Variants in GNB4 observed in about 807,000 individuals in gnomAD.
GNB4 encodes the protein guanine nucleotide-binding protein subunit beta-4.
A neutral mutation model predicts 45.2 loss-of-function variants in GNB4; 28 were observed. The ratio of observed to expected loss-of-function variants is 0.62; its 90% CI spans 0.46 to 0.85. The LOEUF (loss-of-function observed/expected upper bound fraction) is 0.85, where lower values mean the gene tolerates loss of function less well. Among genes scored for constraint, GNB4 ranks in the 40% least tolerant of loss-of-function variants. The pLI is 0.00. For synonymous variants in GNB4, 132 were observed against 143.7 expected, an observed-to-expected ratio of 0.92 and a Z score of 0.58; for missense variants, 321 against 425.4, an observed-to-expected ratio of 0.75 and a Z score of 2.16.
chr3:179,449,102 T>C (rs1234450924), intron 1 of GNB4, among the ~76,000 whole-genome samples: 1 of 152,234 alleles, frequency 6.6e-6, no homozygotes, highest in Non-Finnish European at 1.5e-5. Flanking sequence ...AAATATCCTC[T>C]AGTTTAATTT....
At chr3:179,485,162 C>T in the GNB4 span, among the ~76,000 whole-genome samples, 1 of 152,038 alleles carries the variant, frequency 6.6e-6, no homozygotes, top group East Asian at 1.9e-4. Flanking sequence ...AGCCACCTGC[C>T]ACCACACCCG....
intron 9 of GNB4, 131 bp downstream of exon 9, chr3:179,405,055 CAAAG>C: frequency 1.7e-6 from 1 of 593,762 alleles, no homozygotes; most frequent in Non-Finnish European, 2.9e-6. Context: ...AAGGTAACAA[CAAAG>C]AACATGATGA....
At chr3:179,414,514 G>A (rs905791094) in intron 6 of GNB4, among the ~76,000 whole-genome samples, 1 of 152,138 alleles carries the variant, frequency 6.6e-6, no homozygotes, top group Non-Finnish European at 1.5e-5. Context: ...ATGGTGAAAA[G>A]CACTTCACTA....
intron 9 of GNB4, among the ~76,000 whole-genome samples, chr3:179,403,571 T>C (rs1361315071): frequency 6.6e-6 from 1 of 152,098 alleles, no homozygotes. Context: ...GGTGGGCAGA[T>C]CACCTGAGGT....
chr3:179,436,560 CATAATGAATCAGGTACA>C (rs988218335), intron 1 of GNB4, among the ~76,000 whole-genome samples: 382 of 152,034 alleles, frequency 2.5e-3, no homozygotes, highest in African/African-American at 8.8e-3. Context: ...TTTTAACAAC[CATAATGAATCAGGTACA>C]ATATTTAAAG....
the GNB4 span, among the ~76,000 whole-genome samples, chr3:179,499,063 C>A: frequency 1.3e-5 from 2 of 151,614 alleles, no homozygotes; most frequent in East Asian, 1.9e-4. Context: ...TGGTTTCCAG[C>A]GTCATCCGTG....
intron 1 of GNB4, among the ~76,000 whole-genome samples, chr3:179,430,495 C>A (rs966517898): frequency 6.6e-5 from 10 of 152,150 alleles, no homozygotes; most frequent in Admixed American, 3.9e-4. Context: ...CTCTGTCAAC[C>A]AGGCTGGAGT....
chr3:179,523,452 A>G, the GNB4 span, among the ~76,000 whole-genome samples: 1 of 152,160 alleles, frequency 6.6e-6, no homozygotes, highest in Non-Finnish European at 1.5e-5. Context: ...GGAGGGAGGT[A>G]TTGAGGATAG....
intron 1 of GNB4, among the ~76,000 whole-genome samples, chr3:179,429,187 T>C (rs1715232755): frequency 6.6e-6 from 1 of 152,172 alleles, no homozygotes. Flanking sequence ...AATAAGACAA[T>C]GTCTCCTCAT....
the GNB4 span, among the ~76,000 whole-genome samples, chr3:179,467,762 T>C: frequency 0.99 from 150,648 of 152,204 alleles, 74,565 homozygotes; most frequent in East Asian, 1. Flanking sequence ...TCTTAAGTTT[T>C]GTGAGGAATA....
chr3:179,455,771 G>T (rs910514689), upstream of GNB4, among the ~76,000 whole-genome samples: 1 of 152,188 alleles, frequency 6.6e-6, no homozygotes. Context: ...CATGGGCAGG[G>T]CTTGGCAGAC....
At chr3:179,518,417 G>A in the GNB4 span, among the ~76,000 whole-genome samples, 7 of 151,794 alleles carry the variant, frequency 4.6e-5, no homozygotes, top group South Asian at 2.1e-4. Context: ...TTTCCCTCCC[G>A]CCTGTCCCCT....
intron 8 of GNB4, among the ~76,000 whole-genome samples, chr3:179,406,614 T>A (rs933559834): frequency 6.6e-6 from 1 of 151,780 alleles, no homozygotes; most frequent in Admixed American, 6.6e-5. Context: ...TTTTAATTAC[T>A]TTTTTTTGTT....
chr3:179,444,983 T>TA (rs1296516414), intron 1 of GNB4, among the ~76,000 whole-genome samples: 2 of 151,644 alleles, frequency 1.3e-5, no homozygotes, highest in African/African-American at 2.4e-5. Flanking sequence ...AAACTGAATA[T>TA]AAAAATAAGG....
intron 1 of GNB4, among the ~76,000 whole-genome samples, chr3:179,449,415 C>T (rs1266035458): frequency 6.6e-6 from 1 of 152,194 alleles, no homozygotes; most frequent in Non-Finnish European, 1.5e-5. Flanking sequence ...GAAAAACAAA[C>T]ATGCTTCTGG....
At chr3:179,437,339 C>T (rs1029999794) in intron 1 of GNB4, among the ~76,000 whole-genome samples, 7 of 151,886 alleles carry the variant, frequency 4.6e-5, no homozygotes, top group African/African-American at 1.7e-4. Context: ...CCGAGGCAGG[C>T]GGATCACTTG....
At chr3:179,452,926 A>G (rs1715920847), upstream of GNB4, among the ~76,000 whole-genome samples, 3 of 152,184 alleles carry the variant, frequency 2.0e-5, no homozygotes, top group African/African-American at 7.2e-5. Context: ...GCAAAGGGAA[A>G]TTGTTAAAGA....
chr3:179,489,344 C>A, the GNB4 span, among the ~76,000 whole-genome samples: 67 of 151,964 alleles, frequency 4.4e-4, 1 homozygote, highest in South Asian at 0.013. Flanking sequence ...CAAAGAAATA[C>A]AAGTTGCATA....
At chr3:179,440,641 T>C (rs1026404541) in intron 1 of GNB4, among the ~76,000 whole-genome samples, 2 of 152,066 alleles carry the variant, frequency 1.3e-5, no homozygotes, top group African/African-American at 4.8e-5. Flanking sequence ...ATGGATCCAT[T>C]TGGGGTGAAC....
Sources: gnomAD v4.1 joint callset for allele counts (sites outside exome capture counted in the v4.1 genomes callset) on GRCh38, gnomAD v4.1.1 for gene constraint, MANE v1.5 for transcripts, NCBI Gene and HGNC (gene_info 2026-07-23, HGNC 2026-07-21) for gene names.